GANC: variants seen among roughly 807,000 people sequenced by gnomAD.
GANC encodes the protein neutral alpha-glucosidase C.
A neutral mutation model predicts 124.2 loss-of-function variants in GANC; 117 were observed. The observed-to-expected ratio is 0.94, with a 90% CI of 0.81 to 1.10. GANC has a LOEUF of 1.10. GANC is among the 50% of genes least tolerant of loss of function. GANC has a pLI of 0.00. For synonymous variants in GANC, 377 were observed against 376.8 expected, an observed-to-expected ratio of 1.00 and a Z score of -0.01; for missense variants, 1,140 against 1,095.0, an observed-to-expected ratio of 1.04 and a Z score of -0.58.
In GANC at chr15:42,349,371, T is replaced by G; in HGVS notation, c.2419-12T>G. ...ATATAAGCACATTCTGTCTCTGTGA[T>G]TCATTCTCCAGGGTTCTTCAGTGGG... On this transcript the variant is annotated splice_polypyrimidine_tract_variant and intron_variant, in intron 21 of 23. Coordinates refer to ENST00000318010, the MANE Select transcript of GANC (RefSeq NM_198141.3). The G allele has an allele frequency of 6.7e-7, 1 of 1,497,508 alleles. No homozygotes were observed. Among genetic ancestry groups the G allele is most frequent in the Non-Finnish European group, 9.3e-7 (1 of 1,073,796 alleles). The allele number at this position is 1,497,508 out of a possible 1,614,324, so 92.8% of individuals were successfully genotyped here.
At chr15:42,301,650 T>A (rs2051947129) in intron 6 of GANC, among the ~76,000 whole-genome samples, 1 of 152,154 alleles carries the variant, frequency 6.6e-6, no homozygotes, top group Non-Finnish European at 1.5e-5. Context: ...TGACCTGGGA[T>A]GCTCAATCTT....
intron 4 of GANC, among the ~76,000 whole-genome samples, chr15:42,289,578 A>G (rs906075418): frequency 1.3e-5 from 2 of 152,150 alleles, no homozygotes; most frequent in South Asian, 2.1e-4. Flanking sequence ...TTTGTTTTCT[A>G]CAATTGAGCC....
Position 42,299,906 on chromosome 15 carries a change from G to A in GANC, c.558+2250G>A, listed in dbSNP as rs184060803. On this transcript the variant is annotated intron_variant, in intron 6 of 23. Transcript: ENST00000318010. ...TAAATGGTGCTGAGAGAACTGGCTA[G>A]CCATATGCAGAAAACTGAAACTGGA... 4.6e-5 allele frequency among the ~76,000 whole-genome samples: 7 copies of A among 152,334 alleles called. No individual in the cohort carries two copies. In the South Asian group the frequency reaches 1.2e-3, roughly 27 times the overall value.
rs192099499 is a variant in GANC at position 42,352,415 on chromosome 15, T to G, written c.*276T>G. 6.0e-4 allele frequency: 693 copies of G among 1,161,264 alleles called. 21 individuals carry two copies. The Admixed American group carries it at 0.025, about 41-fold the overall frequency. 71.9% of individuals were successfully genotyped at this position (1,161,264 alleles called of 1,614,324 possible). ...ATTTATAGCGTTCAGGAGTCTTCTATTGCTTCCATTCCTTCAGCAGGGCTG... is the reference window on the plus strand; with the variant it reads ...ATTTATAGCGTTCAGGAGTCTTCTAGTGCTTCCATTCCTTCAGCAGGGCTG... On this transcript the variant is annotated 3_prime_UTR_variant, in exon 24 of 24. Transcript: ENST00000318010.
chr15:42,313,889 C>G, intron 10 of GANC: 2 of 581,866 alleles, frequency 3.4e-6, no homozygotes, highest in Non-Finnish European at 6.0e-6. Context: ...CAGAGAAAGG[C>G]TGCAGTAAGC....
In GANC at chr15:42,352,718, A is replaced by C; in HGVS notation, c.*579A>C. The C allele has an allele frequency of 1.0e-6, 1 of 985,896 alleles. No individual in the cohort carries two copies. Among genetic ancestry groups the C allele is most frequent in the South Asian group, 4.7e-5 (1 of 21,302 alleles). The allele number at this position is 985,896 out of a possible 1,614,324, so 61.1% of individuals were successfully genotyped here. A position where few individuals can be genotyped will look rare whatever the true frequency, so the allele number is the denominator to read the frequency against. ...AGCACGAAGGATTCTTTTCTCTTTC[A>C]TGCTTCTCAGGCTCAATAGTTTCTA... On this transcript the variant is annotated 3_prime_UTR_variant, in exon 24 of 24. Coordinates refer to ENST00000318010, the MANE Select transcript of GANC (RefSeq NM_198141.3).
At chr15:42,335,483 T>C (rs1051062052) in intron 15 of GANC, among the ~76,000 whole-genome samples, 2 of 152,166 alleles carry the variant, frequency 1.3e-5, no homozygotes, top group African/African-American at 4.8e-5. Flanking sequence ...ATAAGAGTCA[T>C]ATTTGACAAA....
chr15:42,297,320 C>T (rs903386846), intron 5 of GANC, among the ~76,000 whole-genome samples: 1 of 152,054 alleles, frequency 6.6e-6, no homozygotes, highest in East Asian at 1.9e-4. Flanking sequence ...TTTATAAACT[C>T]ATTTTTAAAT....
chr15:42,277,610 C>A (rs1210765367), intron 2 of GANC, among the ~76,000 whole-genome samples: 1 of 151,498 alleles, frequency 6.6e-6, no homozygotes, highest in Non-Finnish European at 1.5e-5. Context: ...TATTTTTATG[C>A]ATTTTTTTGA....
At chr15:42,297,714 C>A in intron 6 of GANC, 58 bp downstream of exon 6, 1 of 1,241,668 alleles carries the variant, frequency 8.1e-7, no homozygotes, top group Non-Finnish European at 1.2e-6. Context: ...CATGATAGGG[C>A]ATATAAGGAA....
intron 10 of GANC, among the ~76,000 whole-genome samples, chr15:42,319,688 A>G (rs1305757454): frequency 6.6e-6 from 1 of 152,134 alleles, no homozygotes; most frequent in African/African-American, 2.4e-5. Flanking sequence ...AAAATAGCAC[A>G]CCACGTTAAA....
At chr15:42,276,760 T>G (rs902837321) in intron 2 of GANC, among the ~76,000 whole-genome samples, 4 of 152,226 alleles carry the variant, frequency 2.6e-5, no homozygotes, top group African/African-American at 9.6e-5. Context: ...TTCCTCATCT[T>G]GTCCCGAATA....
At chr15:42,322,816 G>A (rs920376677) in intron 11 of GANC, among the ~76,000 whole-genome samples, 1 of 152,098 alleles carries the variant, frequency 6.6e-6, no homozygotes. Context: ...CAGGAGTGGT[G>A]GTGGTGGTAA....
At chr15:42,274,948 GAAC>G (rs1178056335) in intron 1 of GANC, among the ~76,000 whole-genome samples, 1 of 152,116 alleles carries the variant, frequency 6.6e-6, no homozygotes, top group East Asian at 1.9e-4. Flanking sequence ...GTTGCAATCA[GAAC>G]TCTTAACACG....
chr15:42,334,041 G>A (rs1890377888), intron 15 of GANC, among the ~76,000 whole-genome samples: 1 of 152,092 alleles, frequency 6.6e-6, no homozygotes, highest in African/African-American at 2.4e-5. Flanking sequence ...CTGGATATCT[G>A]TGTGGGGAAA....
intron 5 of GANC, among the ~76,000 whole-genome samples, chr15:42,294,243 C>G (rs948617065): frequency 6.6e-6 from 1 of 151,276 alleles, no homozygotes; most frequent in Non-Finnish European, 1.5e-5. Flanking sequence ...TCTCCTTCCC[C>G]CTGTGTCCTC....
intron 22 of GANC, among the ~76,000 whole-genome samples, chr15:42,350,022 C>CTT (rs753077889): frequency 0.039 from 2,889 of 74,800 alleles, 37 homozygotes; most frequent in Non-Finnish European, 0.05. Context: ...CTTTCCCCCA[C>CTT]TTTTTTTTTT....
intron 15 of GANC, among the ~76,000 whole-genome samples, chr15:42,334,422 A>G (rs1276043358): frequency 1.3e-5 from 2 of 152,210 alleles, no homozygotes; most frequent in African/African-American, 4.8e-5. Context: ...TCGGCTTCAC[A>G]AAGTGCTGGG....
chr15:42,285,948 C>T (rs1016710159), intron 3 of GANC, among the ~76,000 whole-genome samples: 1 of 152,036 alleles, frequency 6.6e-6, no homozygotes, highest in African/African-American at 2.4e-5. Flanking sequence ...TCTCTTTTCC[C>T]CCCTGGGCTG....
Sources: gnomAD v4.1 joint callset for allele counts (sites outside exome capture counted in the v4.1 genomes callset) on GRCh38, gnomAD v4.1.1 for gene constraint, MANE v1.5 for transcripts, NCBI Gene and HGNC (gene_info 2026-07-23, HGNC 2026-07-21) for gene names.